Variants in KPNA7 observed in about 807,000 individuals in gnomAD.
KPNA7 encodes the protein importin subunit alpha-8.
KPNA7 carries 54 observed loss-of-function variants against 53.7 expected under a neutral mutation model. The observed-to-expected ratio is 1.01, with a 90% CI of 0.81 to 1.26. The LOEUF (loss-of-function observed/expected upper bound fraction) is 1.26. Among genes scored for constraint, KPNA7 ranks in the 50% most tolerant of loss-of-function variants. The pLI is 0.00. For synonymous variants in KPNA7, 276 were observed against 259.3 expected (o/e 1.06, Z -0.62); for missense variants, 640 against 644.5 (o/e 0.99, Z 0.07).
chr7:99,192,457 G>C (rs1442878985), intron 6 of KPNA7, among the ~76,000 whole-genome samples: 1 of 152,180 alleles, frequency 6.6e-6, no homozygotes, highest in Non-Finnish European at 1.5e-5. Flanking sequence ...CTGTCACCCA[G>C]GCTGGAGTGC....
At chr7:99,194,745 A>G (rs1177909931) in intron 5 of KPNA7, among the ~76,000 whole-genome samples, 2 of 152,100 alleles carry the variant, frequency 1.3e-5, no homozygotes, top group Non-Finnish European at 2.9e-5. Flanking sequence ...CTGGGACTAC[A>G]GGGCATGCAC....
At position 99,203,615 on chromosome 7, in the gene KPNA7, C is replaced by T. The variant is rs1288843657; in HGVS notation, c.67-375G>A. ...CTTCCTGAATGTACCCAGGCCTTTT[C>T]GGTGGTGGCTAGGATAGATGGTGTT... On this transcript the variant is annotated intron_variant, in intron 2 of 10. Transcript: ENST00000327442. Among the ~76,000 whole-genome samples the T allele has an allele frequency of 4.6e-5, 7 of 152,116 alleles. No individual in the cohort carries two copies. In the East Asian group the frequency reaches 5.8e-4, roughly 13 times the overall value.
In KPNA7 at chr7:99,191,847, G is replaced by A. The variant is rs183718405; in HGVS notation, c.636+1172C>T. ...GTATTTTTAGTAGAGATAGGATTTC[G>A]CCATATTAGTCAGGCTGGTCTCAAA... On this transcript the variant is annotated intron_variant, in intron 6 of 10. Transcript: ENST00000327442. Among the ~76,000 whole-genome samples the A allele has an allele frequency of 2.6e-5, 4 of 152,136 alleles. No individual in the cohort carries two copies. In the South Asian group the frequency reaches 6.2e-4, roughly 24 times the overall value.
the KPNA7 span, among the ~76,000 whole-genome samples, chr7:99,158,677 T>C: frequency 6.6e-6 from 1 of 152,004 alleles, no homozygotes; most frequent in African/African-American, 2.4e-5. Context: ...CTAATTTTTG[T>C]ATTTTTAGTA....
chr7:99,219,099 G>T (rs1210628721), intron 1 of KPNA7, among the ~76,000 whole-genome samples: 3 of 152,238 alleles, frequency 2.0e-5, no homozygotes, highest in African/African-American at 4.8e-5. Flanking sequence ...ACGCAGATTG[G>T]AATCACTTGG....
chr7:99,187,703 G>T (rs13235702), intron 7 of KPNA7, among the ~76,000 whole-genome samples: 10,213 of 148,638 alleles, frequency 0.069, 385 homozygotes, highest in Middle Eastern at 0.13. Flanking sequence ...ACAGCTGTGC[G>T]CCATCACACT....
chr7:99,154,486 T>C, the KPNA7 span, among the ~76,000 whole-genome samples: 4 of 151,988 alleles, frequency 2.6e-5, no homozygotes, highest in African/African-American at 4.8e-5. Flanking sequence ...TCAGGTCATT[T>C]ATCAGACTTT....
rs751392719 is a variant in KPNA7 at position 99,182,008 on chromosome 7, C to A, written c.1192G>T (p.Ala398Ser). 1.3e-6 allele frequency: 2 copies of A among 1,549,546 alleles called. No homozygotes were observed. The highest frequency in any genetic ancestry group is 1.7e-6 in the Non-Finnish European group (2 of 1,145,326). The change falls in exon 9 of 11, where the codon GCC (alanine) becomes TCC (serine). Residue 398 changes from alanine to serine, a missense_variant. Transcript: ENST00000327442. ...VWMVANFATG[A>S]TMDQLIQLVH... ...AGCTGGATCAGCTGATCCATGGTGGCCCCTGTTGCAAAGTTCGCCACCATC... is the reference window on the plus strand; with the variant it reads ...AGCTGGATCAGCTGATCCATGGTGGACCCTGTTGCAAAGTTCGCCACCATC...
At chr7:99,209,292 C>T (rs550947988), upstream of KPNA7, among the ~76,000 whole-genome samples, 1 of 152,230 alleles carries the variant, frequency 6.6e-6, no homozygotes, top group South Asian at 2.1e-4. Flanking sequence ...GGGGTCAGGA[C>T]AGTCTCAAGC....
chr7:99,151,165 G>T, the KPNA7 span, among the ~76,000 whole-genome samples: 11 of 152,112 alleles, frequency 7.2e-5, no homozygotes, highest in Non-Finnish European at 1.6e-4. Context: ...CTCCAATCCA[G>T]GTTCCTGCCC....
At chr7:99,145,886 C>T in the KPNA7 span, among the ~76,000 whole-genome samples, 1 of 152,148 alleles carries the variant, frequency 6.6e-6, no homozygotes, top group African/African-American at 2.4e-5. Context: ...AAGGATGGTC[C>T]TAGGTCATTT....
rs890362897 is a variant in KPNA7 at position 99,218,889 on chromosome 7, C to T, written c.-23-11400G>A. Among the ~76,000 whole-genome samples, 43 of 152,382 alleles carry T rather than the reference C, an allele frequency of 2.8e-4. 1 individual carries two copies. The East Asian group carries it at 7.9e-3, about 28-fold the overall frequency. ...ATACCCAGACAGAAGGACTCAGCCA[C>T]GTCTGGAGCCGGGGCTCGTGCACAC... On this transcript the variant is annotated intron_variant, in intron 1 of 10. Coordinates refer to the KPNA7 transcript ENST00000681060.
chr7:99,198,519 G>T (rs1348361604), intron 3 of KPNA7, among the ~76,000 whole-genome samples: 1 of 128,560 alleles, frequency 7.8e-6, no homozygotes, highest in East Asian at 2.2e-4. Flanking sequence ...ATTAATAAAG[G>T]GGGGGGAACC....
At chr7:99,163,379 ATATATTTTTTTTTT>A in the KPNA7 span, among the ~76,000 whole-genome samples, 1 of 58,852 alleles carries the variant, frequency 1.7e-5, no homozygotes, top group African/African-American at 6.8e-5. Flanking sequence ...ATATATATAT[ATATATTTTTTTTTT>A]TTTTTTTTTT....
the KPNA7 span, among the ~76,000 whole-genome samples, chr7:99,161,987 G>GA: frequency 6.7e-6 from 1 of 150,016 alleles, no homozygotes; most frequent in Non-Finnish European, 1.5e-5. Context: ...CATGTTTCAG[G>GA]AAAAAACAGC....
chr7:99,209,509 C>T (rs574151939), upstream of KPNA7, among the ~76,000 whole-genome samples: 5 of 151,866 alleles, frequency 3.3e-5, no homozygotes, highest in Admixed American at 3.3e-4. Context: ...CATGGCGAAA[C>T]CCTGTCTCTA....
intron 6 of KPNA7, among the ~76,000 whole-genome samples, chr7:99,191,192 T>C (rs1789934016): frequency 6.7e-6 from 1 of 149,524 alleles, no homozygotes; most frequent in Admixed American, 6.7e-5. Flanking sequence ...GGAGTCTTGC[T>C]CTGTCACCAG....
At chr7:99,173,079 A>AG (rs200805277), downstream of KPNA7, among the ~76,000 whole-genome samples, 22 of 150,756 alleles carry the variant, frequency 1.5e-4, no homozygotes, top group South Asian at 6.3e-4. Flanking sequence ...AAAAAAAAAA[A>AG]AAAAAGAAAA....
chr7:99,177,572 CAAAAAA>C (rs34717081), intron 10 of KPNA7, among the ~76,000 whole-genome samples: 7 of 41,782 alleles, frequency 1.7e-4, no homozygotes, highest in South Asian at 1.1e-3. Context: ...GAAACCATCT[CAAAAAA>C]AAAAAAAAAA....
Sources: gnomAD v4.1 joint callset for allele counts (sites outside exome capture counted in the v4.1 genomes callset) on GRCh38, gnomAD v4.1.1 for gene constraint, MANE v1.5 for transcripts, NCBI Gene and HGNC (gene_info 2026-07-23, HGNC 2026-07-21) for gene names.